The following JAZF1 variants were observed in gnomAD, a reference collection of about 807,000 sequenced individuals.
JAZF1 encodes JAZF zinc finger 1.
JAZF1 carries 8 observed loss-of-function variants against 26.4 expected under a neutral mutation model. The ratio of observed to expected loss-of-function variants is 0.30; its 90% confidence interval spans 0.18 to 0.55. JAZF1 has a LOEUF of 0.55. JAZF1 is among the 20% of genes least tolerant of loss of function. The pLI, the probability that JAZF1 is intolerant of heterozygous loss-of-function variation, is 0.94. For synonymous variants in JAZF1, 126 were observed against 122.3 expected (o/e 1.03, Z -0.20); for missense variants, 199 against 322.0 (o/e 0.62, Z 2.92).
intron 3 of JAZF1, among the ~76,000 whole-genome samples, chr7:27,857,456 C>T (rs975525060): frequency 6.6e-6 from 1 of 152,218 alleles, no homozygotes; most frequent in Non-Finnish European, 1.5e-5. Context: ...GAAAGGGGCT[C>T]AAACAGTGCA....
intron 2 of JAZF1, among the ~76,000 whole-genome samples, chr7:27,959,715 C>G (rs1785158316): frequency 6.6e-6 from 1 of 151,784 alleles, no homozygotes; most frequent in South Asian, 2.1e-4. Flanking sequence ...GCCTGACCAA[C>G]ATGGCGAAAC....
chr7:28,088,540 G>C (rs548628960), intron 1 of JAZF1, among the ~76,000 whole-genome samples: 6 of 152,290 alleles, frequency 3.9e-5, no homozygotes, highest in Admixed American at 2.0e-4. Context: ...TTTAATAATA[G>C]TGCTTCCTGC....
At chr7:27,942,109 C>T (rs1784856749) in intron 2 of JAZF1, among the ~76,000 whole-genome samples, 1 of 152,240 alleles carries the variant, frequency 6.6e-6, no homozygotes, top group Non-Finnish European at 1.5e-5. Context: ...TAGCAGAGTG[C>T]TATCACATAG....
chr7:28,113,276 A>T (rs1483865033), intron 1 of JAZF1, among the ~76,000 whole-genome samples: 1 of 152,210 alleles, frequency 6.6e-6, no homozygotes, highest in Non-Finnish European at 1.5e-5. Flanking sequence ...AAACAGGACC[A>T]AGGAGGCAGA....
chr7:27,967,851 A>C (rs970534405), intron 2 of JAZF1, among the ~76,000 whole-genome samples: 5 of 152,262 alleles, frequency 3.3e-5, no homozygotes, highest in African/African-American at 1.2e-4. Context: ...AGGAAGTCTC[A>C]AACCTTGCCA....
At chr7:28,049,539 G>A (rs1783576145) in intron 1 of JAZF1, among the ~76,000 whole-genome samples, 1 of 152,112 alleles carries the variant, frequency 6.6e-6, no homozygotes. Context: ...ACTAATCAGA[G>A]TTAGTGTCAG....
chr7:27,955,205 TAA>T (rs1785068337), intron 2 of JAZF1, among the ~76,000 whole-genome samples: 1 of 152,232 alleles, frequency 6.6e-6, no homozygotes, highest in Non-Finnish European at 1.5e-5. Context: ...ATTTGTGAAG[TAA>T]TAGAAAAAAG....
chr7:28,113,698 G>A (rs960782271), intron 1 of JAZF1, among the ~76,000 whole-genome samples: 2 of 152,130 alleles, frequency 1.3e-5, no homozygotes, highest in South Asian at 2.1e-4. Context: ...AGTAGCTTGC[G>A]AAGTCCACAC....
intron 1 of JAZF1, among the ~76,000 whole-genome samples, chr7:28,054,558 A>T (rs1783667453): frequency 1.3e-5 from 2 of 151,966 alleles, no homozygotes. Flanking sequence ...TGCTGACAGG[A>T]TCTCTATTTG....
chr7:28,106,217 G>C (rs1784551238), intron 1 of JAZF1, among the ~76,000 whole-genome samples: 1 of 152,164 alleles, frequency 6.6e-6, no homozygotes, highest in Non-Finnish European at 1.5e-5. Context: ...TGTTGATGTG[G>C]CATTTTTCCT....
At chr7:28,033,243 C>T (rs1461271707) in intron 1 of JAZF1, among the ~76,000 whole-genome samples, 1 of 152,116 alleles carries the variant, frequency 6.6e-6, no homozygotes, top group Non-Finnish European at 1.5e-5. Flanking sequence ...GATCAAAAGT[C>T]CACAAAAATA....
At chr7:28,068,217 GTTT>G (rs551935511) in intron 1 of JAZF1, among the ~76,000 whole-genome samples, 1 of 124,502 alleles carries the variant, frequency 8.0e-6, no homozygotes, top group Non-Finnish European at 1.7e-5. Flanking sequence ...GCTCAGCCTA[GTTT>G]TTTTTTTTTT....
chr7:28,163,766 G>A (rs1454740976), intron 1 of JAZF1, among the ~76,000 whole-genome samples: 1 of 152,182 alleles, frequency 6.6e-6, no homozygotes, highest in Non-Finnish European at 1.5e-5. Flanking sequence ...CGTAGGGACA[G>A]CAACCTCCTG....
chr7:27,960,314 C>A (rs1001767048), intron 2 of JAZF1, among the ~76,000 whole-genome samples: 3 of 152,222 alleles, frequency 2.0e-5, no homozygotes, highest in African/African-American at 7.2e-5. Context: ...GAAAAAACCT[C>A]TAAATGCTAA....
intron 3 of JAZF1, among the ~76,000 whole-genome samples, chr7:27,880,891 C>T (rs1339419274): frequency 2.0e-5 from 3 of 152,172 alleles, no homozygotes; most frequent in Non-Finnish European, 4.4e-5. Context: ...TGGTCCTGAA[C>T]TCCTGGGCTC....
chr7:27,891,734 T>TCA (rs1783979486), intron 3 of JAZF1, among the ~76,000 whole-genome samples: 4 of 151,992 alleles, frequency 2.6e-5, no homozygotes, highest in African/African-American at 9.7e-5. Flanking sequence ...GAGGCTGACG[T>TCA]GAGCTACACA....
chr7:27,951,152 A>C (rs1222411065), intron 2 of JAZF1, among the ~76,000 whole-genome samples: 1 of 152,136 alleles, frequency 6.6e-6, no homozygotes, highest in Non-Finnish European at 1.5e-5. Flanking sequence ...GGCCCATAGT[A>C]AGGACTCAAT....
At chr7:27,909,037 T>C (rs1424682748) in intron 2 of JAZF1, among the ~76,000 whole-genome samples, 2 of 147,002 alleles carry the variant, frequency 1.4e-5, no homozygotes, top group Non-Finnish European at 3.0e-5. Flanking sequence ...AGAGGCAGAA[T>C]CTCGCTGTGC....
intron 1 of JAZF1, among the ~76,000 whole-genome samples, chr7:28,057,880 C>G (rs1783737609): frequency 6.6e-6 from 1 of 152,166 alleles, no homozygotes; most frequent in South Asian, 2.1e-4. Flanking sequence ...CTCTATTCAT[C>G]TTTTCAAAGA....
Sources: allele counts gnomAD v4.1 joint callset (sites outside exome capture counted in the v4.1 genomes callset), GRCh38; gene constraint gnomAD v4.1.1; transcripts MANE v1.5; gene names NCBI Gene and HGNC (gene_info 2026-07-23, HGNC 2026-07-21).